Variants in RAD51C observed in about 807,000 individuals in gnomAD.
RAD51C encodes the protein DNA repair protein RAD51 homolog 3.
Under a neutral mutation model 45.0 loss-of-function variants are expected in RAD51C, and 42 were observed. The ratio of observed to expected loss-of-function variants is 0.93; its 90% CI spans 0.73 to 1.21. The LOEUF (loss-of-function observed/expected upper bound fraction) is 1.21. Ranked by LOEUF, RAD51C falls within the 50% of genes most tolerant of loss-of-function variation. The pLI is 0.00. For missense variants in RAD51C, 474 were observed against 452.2 expected (o/e 1.05, Z -0.44); for synonymous variants, 172 against 159.8 (o/e 1.08, Z -0.58).
intron 5 of RAD51C, among the ~76,000 whole-genome samples, chr17:58,718,259 A>G (rs537025168): frequency 6.6e-5 from 10 of 151,992 alleles, no homozygotes; most frequent in African/African-American, 2.2e-4. Flanking sequence ...CGGCCTCCCA[A>G]AGTGCTGGGA....
At chr17:58,697,189 T>A (rs1024045475) in intron 3 of RAD51C, among the ~76,000 whole-genome samples, 6 of 152,186 alleles carry the variant, frequency 3.9e-5, no homozygotes, top group Admixed American at 3.9e-4. Flanking sequence ...GTTAAATGCT[T>A]TCCAATGTAT....
chr17:58,720,410 T>A (rs2048875598), intron 5 of RAD51C, among the ~76,000 whole-genome samples: 1 of 142,956 alleles, frequency 7.0e-6, no homozygotes, highest in Non-Finnish European at 1.6e-5. Context: ...AGCGAGACTC[T>A]GTCTCAAAAA....
Position 58,720,880 on chromosome 17 carries a change from A to C in RAD51C, c.904+68A>C, listed in dbSNP as rs74453064. 2.9e-4 allele frequency: 373 copies of C among 1,280,560 alleles called. No homozygotes were observed. In the African/African-American group the frequency reaches 4.6e-3, roughly 16 times the overall value. 79.3% of individuals were successfully genotyped at this position (1,280,560 alleles called of 1,614,324 possible). On this transcript the variant is annotated intron_variant, in intron 6 of 8. Transcript: ENST00000337432. ...TTCTTATCTCTTTCATTTGATTCTC[A>C]TTGAGTACTATACGCTTCATGAAAG...
At chr17:58,715,031 G>A (rs1039615739) in intron 5 of RAD51C, among the ~76,000 whole-genome samples, 4 of 150,648 alleles carry the variant, frequency 2.7e-5, no homozygotes, top group African/African-American at 9.8e-5. Flanking sequence ...TCAGTGTCAC[G>A]TTTCAAATCT....
At position 58,713,423 on chromosome 17, in the gene RAD51C, C is replaced by T. The variant is rs934925512; in HGVS notation, c.837+3433C>T. On this transcript the variant is annotated intron_variant, in intron 5 of 8. Coordinates refer to ENST00000337432, the MANE Select transcript of RAD51C (RefSeq NM_058216.3). Reference sequence around the variant, plus strand: ...TGGCATGATCTTGGTTCACTGTAGCCTCAATCTCCTGGGCTTAAGCAATCC... The same window carrying T: ...TGGCATGATCTTGGTTCACTGTAGCTTCAATCTCCTGGGCTTAAGCAATCC... Among the ~76,000 whole-genome samples, 4 of 152,190 alleles carry T rather than the reference C, an allele frequency of 2.6e-5. No individual in the cohort carries two copies. In the East Asian group the frequency reaches 5.8e-4, roughly 22 times the overall value.
chr17:58,696,602 A>T, intron 2 of RAD51C, 91 bp from the exon 3 acceptor site: 2 of 1,489,604 alleles, frequency 1.3e-6, no homozygotes, highest in Non-Finnish European at 1.9e-6. Context: ...ATAAAACTTT[A>T]GTGATACCTA....
intron 3 of RAD51C, among the ~76,000 whole-genome samples, chr17:58,698,013 A>T (rs937590047): frequency 2.3e-4 from 32 of 141,546 alleles, no homozygotes; most frequent in South Asian, 9.2e-4. Flanking sequence ...CACCCGGCCA[A>T]TTTTTTTTTC....
intron 7 of RAD51C, among the ~76,000 whole-genome samples, chr17:58,725,717 G>A (rs935602544): frequency 1.6e-4 from 25 of 152,056 alleles, no homozygotes; most frequent in Non-Finnish European, 3.5e-4. Context: ...GTACATGGCC[G>A]GATGCAGTGG....
intron 5 of RAD51C, among the ~76,000 whole-genome samples, chr17:58,712,256 A>T (rs868657744): frequency 2.0e-5 from 3 of 149,854 alleles, no homozygotes; most frequent in East Asian, 2.0e-4. Flanking sequence ...GAGGCAGGGG[A>T]ATCATTTGAA....
intron 6 of RAD51C, among the ~76,000 whole-genome samples, chr17:58,723,128 A>G (rs1004491111): frequency 2.0e-5 from 3 of 152,170 alleles, no homozygotes; most frequent in Admixed American, 6.6e-5. Flanking sequence ...ATCTCAGGCC[A>G]GTTTCACACC....
chr17:58,698,140 T>C (rs978409097), intron 3 of RAD51C, among the ~76,000 whole-genome samples: 9 of 151,254 alleles, frequency 6.0e-5, no homozygotes, highest in African/African-American at 2.2e-4. Context: ...GCCTCCTGAG[T>C]AGCTGGAATT....
intron 7 of RAD51C, among the ~76,000 whole-genome samples, chr17:58,727,021 C>T (rs1329979480): frequency 1.3e-5 from 2 of 151,264 alleles, no homozygotes; most frequent in South Asian, 2.1e-4. Context: ...GGGGTTTCAC[C>T]GTGTTAGCCA....
chr17:58,705,554 G>A (rs947437463), intron 4 of RAD51C, among the ~76,000 whole-genome samples: 2 of 152,148 alleles, frequency 1.3e-5, no homozygotes, highest in East Asian at 1.9e-4. Context: ...AGATGTTCTC[G>A]ATCTCCTGAT....
intron 4 of RAD51C, among the ~76,000 whole-genome samples, chr17:58,708,698 CTTTGGGGGGGG>C: frequency 7.2e-6 from 1 of 138,218 alleles, no homozygotes; most frequent in South Asian, 2.2e-4. Context: ...TTATTTTTTG[CTTTGGGGGGGG>C]CTTTCTTTTG....
intron 7 of RAD51C, among the ~76,000 whole-genome samples, chr17:58,731,000 C>T (rs1305115949): frequency 6.6e-6 from 1 of 152,122 alleles, no homozygotes; most frequent in Non-Finnish European, 1.5e-5. Context: ...AATTTTACTC[C>T]TCTAGCAACC....
intron 7 of RAD51C, among the ~76,000 whole-genome samples, chr17:58,728,462 A>G (rs949501959): frequency 1.3e-5 from 2 of 148,540 alleles, no homozygotes; most frequent in African/African-American, 5.0e-5. Flanking sequence ...CAGTGGTGCA[A>G]TCTCAGCTCA....
intron 7 of RAD51C, among the ~76,000 whole-genome samples, chr17:58,732,148 T>C (rs976724062): frequency 3.9e-5 from 6 of 152,132 alleles, no homozygotes; most frequent in African/African-American, 1.4e-4. Flanking sequence ...GTATAACTAT[T>C]ATTTAGTATA....
intron 7 of RAD51C, among the ~76,000 whole-genome samples, chr17:58,729,540 T>G (rs1320673123): frequency 2.6e-5 from 4 of 151,714 alleles, no homozygotes; most frequent in African/African-American, 4.8e-5. Flanking sequence ...ACCTGAATAA[T>G]TAATGCCCCT....
At chr17:58,692,881 C>T (rs1423495650) in intron 1 of RAD51C, 93 bp downstream of exon 1, 3 of 1,576,990 alleles carry the variant, frequency 1.9e-6, no homozygotes, top group East Asian at 2.2e-5. Context: ...GCCCAGTCTC[C>T]GTTAGATTCT....
Sources: allele counts gnomAD v4.1 joint callset (sites outside exome capture counted in the v4.1 genomes callset), GRCh38; gene constraint gnomAD v4.1.1; transcripts MANE v1.5; gene names NCBI Gene and HGNC (gene_info 2026-07-23, HGNC 2026-07-21).